GLIS3: variants seen among roughly 807,000 people sequenced by gnomAD.
The protein encoded by GLIS3 is zinc finger protein GLIS3.
In GLIS3, 53 loss-of-function variants were observed where a neutral mutation model predicts 78.6. That is an observed-to-expected ratio of 0.67 (90% confidence interval 0.54 to 0.85). The LOEUF is 0.85. Among genes scored for constraint, GLIS3 ranks in the 40% least tolerant of loss-of-function variants. The pLI, the probability that GLIS3 is intolerant of heterozygous loss-of-function variation, is 0.00. For missense variants in GLIS3, 1,703 were observed against 1,231.1 expected, an observed-to-expected ratio of 1.38 and a Z score of -5.74; for synonymous variants, 684 against 509.9, an observed-to-expected ratio of 1.34 and a Z score of -4.60.
intron 2 of GLIS3, among the ~76,000 whole-genome samples, chr9:4,215,745 T>G (rs1381060375): frequency 6.6e-6 from 1 of 152,210 alleles, no homozygotes; most frequent in Non-Finnish European, 1.5e-5. Flanking sequence ...CTTCAAAGTT[T>G]CCTCATAACA....
At chr9:4,108,024 G>A (rs369466002) in intron 4 of GLIS3, among the ~76,000 whole-genome samples, 2 of 152,080 alleles carry the variant, frequency 1.3e-5, no homozygotes, top group South Asian at 2.1e-4. Flanking sequence ...CTATGGTTAG[G>A]ACTCAAAGGT....
the GLIS3 span, among the ~76,000 whole-genome samples, chr9:4,422,030 G>A: frequency 2.5e-3 from 381 of 152,318 alleles, 2 homozygotes; most frequent in African/African-American, 8.9e-3. Context: ...GTCACCAATA[G>A]AAACCACAGA....
chr9:4,347,702 T>G (rs1341797916), intron 1 of GLIS3, among the ~76,000 whole-genome samples: 1 of 151,634 alleles, frequency 6.6e-6, no homozygotes, highest in Non-Finnish European at 1.5e-5. Flanking sequence ...TGGTAGCTTT[T>G]TGTTTGTTTG....
chr9:4,365,959 C>A, the GLIS3 span, among the ~76,000 whole-genome samples: 1 of 152,144 alleles, frequency 6.6e-6, no homozygotes, highest in Non-Finnish European at 1.5e-5. Flanking sequence ...TAACCAAATT[C>A]TTTGTTTCAA....
At chr9:4,422,888 C>G in the GLIS3 span, among the ~76,000 whole-genome samples, 1 of 152,152 alleles carries the variant, frequency 6.6e-6, no homozygotes, top group Non-Finnish European at 1.5e-5. Context: ...AAAGTAAACC[C>G]TCAGTTCCTT....
At chr9:4,146,428 A>G (rs1834231639) in intron 2 of GLIS3, among the ~76,000 whole-genome samples, 1 of 152,226 alleles carries the variant, frequency 6.6e-6, no homozygotes, top group African/African-American at 2.4e-5. Context: ...CCTTTTGGAA[A>G]TATTTCAACT....
the GLIS3 span, among the ~76,000 whole-genome samples, chr9:4,482,251 T>C: frequency 6.6e-6 from 1 of 152,218 alleles, no homozygotes; most frequent in Admixed American, 6.5e-5. Flanking sequence ...TGAGGTAAAG[T>C]TCTATTGAAG....
intron 2 of GLIS3, among the ~76,000 whole-genome samples, chr9:4,199,863 G>T (rs965275774): frequency 1.3e-5 from 2 of 151,368 alleles, no homozygotes; most frequent in Non-Finnish European, 3.0e-5. Context: ...TATATTCTCT[G>T]CATCTACACA....
At chr9:4,372,825 G>A in the GLIS3 span, among the ~76,000 whole-genome samples, 5 of 152,130 alleles carry the variant, frequency 3.3e-5, no homozygotes, top group South Asian at 4.2e-4. Context: ...TTTCACCTAC[G>A]TTCTCACCTC....
intron 2 of GLIS3, among the ~76,000 whole-genome samples, chr9:4,140,666 T>A (rs1272821888): frequency 1.3e-5 from 2 of 152,196 alleles, no homozygotes; most frequent in Non-Finnish European, 2.9e-5. Context: ...AATTGTTAAC[T>A]CTGAGCTCCA....
intron 2 of GLIS3, among the ~76,000 whole-genome samples, chr9:4,164,635 C>T (rs561340791): frequency 1.3e-5 from 2 of 152,086 alleles, no homozygotes; most frequent in African/African-American, 2.4e-5. Context: ...GGCTTTTATC[C>T]CTCCAAAGGA....
chr9:4,196,051 G>C (rs151040970), intron 2 of GLIS3, among the ~76,000 whole-genome samples: 2 of 152,080 alleles, frequency 1.3e-5, no homozygotes, highest in African/African-American at 2.4e-5. Context: ...TTTATGTCTA[G>C]CTAAAGGATT....
the GLIS3 span, among the ~76,000 whole-genome samples, chr9:4,356,027 T>C: frequency 2.0e-5 from 3 of 152,082 alleles, no homozygotes; most frequent in East Asian, 1.9e-4. Flanking sequence ...TAAAATTAGT[T>C]AGTCAAAAAA....
At chr9:3,958,677 C>T (rs1308628230) in intron 4 of GLIS3, among the ~76,000 whole-genome samples, 8 of 152,164 alleles carry the variant, frequency 5.3e-5, no homozygotes, top group South Asian at 2.1e-4. Context: ...AGGAAACTCG[C>T]CCAGTATTTG....
At chr9:3,984,072 CTG>C (rs1373749528) in intron 4 of GLIS3, among the ~76,000 whole-genome samples, 2 of 152,218 alleles carry the variant, frequency 1.3e-5, no homozygotes, top group Admixed American at 1.3e-4. Flanking sequence ...GGCCCAGGGA[CTG>C]TGTGTGCTGT....
chr9:4,290,159 A>C (rs1197663359), intron 1 of GLIS3, among the ~76,000 whole-genome samples: 1 of 152,154 alleles, frequency 6.6e-6, no homozygotes, highest in Non-Finnish European at 1.5e-5. Flanking sequence ...ACCCATCTAG[A>C]GTCATAACTC....
intron 2 of GLIS3, chr9:4,144,922 T>C (rs1221559599): frequency 6.6e-6 from 1 of 152,252 alleles, no homozygotes; most frequent in Non-Finnish European, 1.5e-5. Flanking sequence ...TTGTTCTTCA[T>C]AACTGTCTTC....
chr9:4,483,255 A>C, the GLIS3 span, among the ~76,000 whole-genome samples: 1 of 152,314 alleles, frequency 6.6e-6, no homozygotes, highest in South Asian at 2.1e-4. Flanking sequence ...AGGATTCAGG[A>C]GTTCAACCAC....
the GLIS3 span, among the ~76,000 whole-genome samples, chr9:4,448,011 C>T: frequency 2.6e-5 from 4 of 152,142 alleles, no homozygotes; most frequent in African/African-American, 7.2e-5. Flanking sequence ...GTCAGCTTCC[C>T]GAAGAGTTGA....
Sources: allele counts gnomAD v4.1 joint callset (sites outside exome capture counted in the v4.1 genomes callset), GRCh38; gene constraint gnomAD v4.1.1; transcripts MANE v1.5; gene names NCBI Gene and HGNC (gene_info 2026-07-23, HGNC 2026-07-21).